The following CDH18 variants were observed in gnomAD, a reference collection of about 807,000 sequenced individuals.
CDH18 encodes the protein cadherin 18, also known as cadherin-18.
CDH18 carries 31 observed loss-of-function variants against 67.9 expected under a neutral mutation model. The ratio of observed to expected loss-of-function variants is 0.46; its 90% CI spans 0.34 to 0.62. CDH18 has a LOEUF of 0.62. CDH18 is among the 20% of genes least tolerant of loss of function. The probability of loss-of-function intolerance (pLI) is 0.01; values close to 1 mark genes in which losing one functional copy is unlikely to be tolerated. For missense variants in CDH18, 890 were observed against 975.5 expected (o/e 0.91, Z 1.17); for synonymous variants, 362 against 347.2 (o/e 1.04, Z -0.48).
chr5:20,287,277 G>T (rs1373534705), intron 1 of CDH18, among the ~76,000 whole-genome samples: 2 of 151,696 alleles, frequency 1.3e-5, no homozygotes, highest in East Asian at 3.9e-4. Context: ...AGAATCAATG[G>T]TCTAATCTGT....
intron 3 of CDH18, among the ~76,000 whole-genome samples, chr5:19,820,490 A>G (rs1779756161): frequency 6.6e-6 from 1 of 152,122 alleles, no homozygotes; most frequent in African/African-American, 2.4e-5. Context: ...CCCTAGGCCC[A>G]CCGCATTAAC....
intron 2 of CDH18, among the ~76,000 whole-genome samples, chr5:19,927,734 A>G (rs777495492): frequency 1.3e-5 from 2 of 152,278 alleles, no homozygotes; most frequent in East Asian, 1.9e-4. Flanking sequence ...AAAGTTATCA[A>G]TCTAATATGT....
intron 2 of CDH18, among the ~76,000 whole-genome samples, chr5:20,230,542 A>G (rs1479206602): frequency 6.6e-6 from 1 of 152,106 alleles, no homozygotes; most frequent in African/African-American, 2.4e-5. Flanking sequence ...TTAATTGATG[A>G]CCATCTTGAT....
At chr5:19,509,750 T>C (rs1243712565) in intron 10 of CDH18, among the ~76,000 whole-genome samples, 3 of 152,190 alleles carry the variant, frequency 2.0e-5, no homozygotes, top group Non-Finnish European at 4.4e-5. Context: ...TAAAATAGAA[T>C]AGACTCTCTT....
At chr5:20,363,016 A>G (rs1275939043) in intron 1 of CDH18, among the ~76,000 whole-genome samples, 1 of 152,168 alleles carries the variant, frequency 6.6e-6, no homozygotes. Flanking sequence ...TGTTCCAGGT[A>G]TGACTGCCTT....
intron 2 of CDH18, among the ~76,000 whole-genome samples, chr5:19,936,765 A>G (rs994844370): frequency 6.6e-6 from 1 of 151,080 alleles, no homozygotes; most frequent in Admixed American, 6.6e-5. Flanking sequence ...TCCTCTTAAA[A>G]TATATGTCCA....
At chr5:20,248,709 A>G (rs1247774845) in intron 2 of CDH18, among the ~76,000 whole-genome samples, 4 of 152,236 alleles carry the variant, frequency 2.6e-5, no homozygotes, top group South Asian at 2.1e-4. Flanking sequence ...ATGGCATTTG[A>G]CAAGTTTCAC....
At chr5:20,480,431 GT>G (rs1561047029) in intron 1 of CDH18, among the ~76,000 whole-genome samples, 1 of 151,886 alleles carries the variant, frequency 6.6e-6, no homozygotes, top group African/African-American at 2.4e-5. Context: ...TTTTGTTTTT[GT>G]TTTTTGAGAC....
intron 7 of CDH18, among the ~76,000 whole-genome samples, chr5:19,580,543 C>T (rs1743072709): frequency 6.6e-6 from 1 of 151,764 alleles, no homozygotes. Context: ...CAGAAAGGTG[C>T]TATTACATGG....
intron 4 of CDH18, among the ~76,000 whole-genome samples, chr5:19,740,820 T>G (rs113260454): frequency 9.2e-5 from 14 of 152,278 alleles, no homozygotes; most frequent in African/African-American, 3.4e-4. Flanking sequence ...TTCTGAAGAC[T>G]ATATAAATTA....
At chr5:19,479,458 G>T (rs1429657617) in intron 12 of CDH18, among the ~76,000 whole-genome samples, 2 of 152,054 alleles carry the variant, frequency 1.3e-5, no homozygotes, top group South Asian at 2.1e-4. Flanking sequence ...GTATCCCTTG[G>T]CTAGATACTT....
At chr5:19,624,684 G>T (rs539566520) in intron 5 of CDH18, among the ~76,000 whole-genome samples, 6 of 152,276 alleles carry the variant, frequency 3.9e-5, no homozygotes, top group Non-Finnish European at 8.8e-5. Flanking sequence ...ACAGCTGGAA[G>T]TGTGCTGCTG....
chr5:20,117,126 A>C (rs1747989041), intron 2 of CDH18, among the ~76,000 whole-genome samples: 1 of 152,148 alleles, frequency 6.6e-6, no homozygotes. Context: ...TCAGTTAATC[A>C]AACATGTTTT....
At chr5:20,415,501 C>A in intron 1 of CDH18, among the ~76,000 whole-genome samples, 1 of 152,062 alleles carries the variant, frequency 6.6e-6, no homozygotes, top group Non-Finnish European at 1.5e-5. Context: ...TGACTGGTTG[C>A]GGTGGCTCAT....
At chr5:20,149,879 A>G (rs1366474271) in intron 2 of CDH18, among the ~76,000 whole-genome samples, 1 of 152,136 alleles carries the variant, frequency 6.6e-6, no homozygotes, top group Non-Finnish European at 1.5e-5. Flanking sequence ...GATCACTAGG[A>G]AACAGAAGAG....
At chr5:20,192,931 T>C (rs1738664439) in intron 2 of CDH18, among the ~76,000 whole-genome samples, 1 of 152,182 alleles carries the variant, frequency 6.6e-6, no homozygotes, top group South Asian at 2.1e-4. Context: ...AATCTATAAA[T>C]TACTTTGGGA....
At chr5:19,870,223 C>T (rs1317277616) in intron 2 of CDH18, among the ~76,000 whole-genome samples, 3 of 152,078 alleles carry the variant, frequency 2.0e-5, no homozygotes, top group Non-Finnish European at 1.5e-5. Context: ...GGAATGTCAA[C>T]ATCATTTTAG....
intron 2 of CDH18, among the ~76,000 whole-genome samples, chr5:20,058,681 T>G (rs1360285681): frequency 6.6e-6 from 1 of 152,170 alleles, no homozygotes; most frequent in Admixed American, 6.5e-5. Context: ...GAAGAATACA[T>G]TACAAGGCAA....
At chr5:20,220,924 C>A (rs1238024001) in intron 2 of CDH18, among the ~76,000 whole-genome samples, 2 of 152,060 alleles carry the variant, frequency 1.3e-5, no homozygotes, top group East Asian at 1.9e-4. Context: ...AATGAGATAT[C>A]ATTTCACCTT....
Sources: allele counts gnomAD v4.1 joint callset (sites outside exome capture counted in the v4.1 genomes callset), GRCh38; gene constraint gnomAD v4.1.1; transcripts MANE v1.5; gene names NCBI Gene and HGNC (gene_info 2026-07-23, HGNC 2026-07-21).